Variants in SOX6 observed in about 807,000 individuals in gnomAD.
SOX6 encodes the protein SRY-box transcription factor 6.
Under a neutral mutation model 97.8 loss-of-function variants are expected in SOX6, and 11 were observed. The observed-to-expected ratio is 0.11, with a 90% CI of 0.07 to 0.19. The LOEUF (loss-of-function observed/expected upper bound fraction) is 0.19, where lower values mean the gene tolerates loss of function less well. Among genes scored for constraint, SOX6 ranks in the 10% least tolerant of loss-of-function variants. The pLI, the probability that SOX6 is intolerant of heterozygous loss-of-function variation, is 1.00. For synonymous variants in SOX6, 360 were observed against 371.4 expected, an observed-to-expected ratio of 0.97 and a Z score of 0.35; for missense variants, 810 against 1,039.5, an observed-to-expected ratio of 0.78 and a Z score of 3.04.
intron 4 of SOX6, among the ~76,000 whole-genome samples, chr11:16,494,551 T>G (rs1860563690): frequency 6.6e-6 from 1 of 151,768 alleles, no homozygotes; most frequent in African/African-American, 2.4e-5. Flanking sequence ...TCAAGATTGC[T>G]GACTAGAGGC....
At chr11:16,555,912 T>C (rs1847743750) in intron 4 of SOX6, among the ~76,000 whole-genome samples, 1 of 151,700 alleles carries the variant, frequency 6.6e-6, no homozygotes, top group Non-Finnish European at 1.5e-5. Context: ...ATATTTCTCC[T>C]CAAGATTCTG....
At chr11:16,356,746 A>G (rs1857086412), upstream of SOX6, among the ~76,000 whole-genome samples, 1 of 152,142 alleles carries the variant, frequency 6.6e-6, no homozygotes, top group Non-Finnish European at 1.5e-5. Context: ...CATTCAGGCC[A>G]GGTCCATTCT....
intron 3 of SOX6, among the ~76,000 whole-genome samples, chr11:16,260,154 C>T (rs553683563): frequency 1.3e-3 from 193 of 152,114 alleles, no homozygotes; most frequent in African/African-American, 4.3e-3. Flanking sequence ...CACCTGCCAC[C>T]ACACTTGGCT....
In SOX6 at chr11:16,608,457, T is replaced by G. The variant is rs1848360784; in HGVS notation, n.609+3624A>C. On this transcript the variant is annotated intron_variant and non_coding_transcript_variant, in intron 4 of 5. Transcript: ENST00000524520. The stretch of plus-strand genomic sequence containing the variant: ...ATATTAGGATGAACAATAAGAAGGA[T>G]GAAGGAAAACGAAAAAAAGAAGTAG... Among the ~76,000 whole-genome samples the G allele has an allele frequency of 6.7e-5, 10 of 149,334 alleles. No individual in the cohort carries two copies. The South Asian group carries it at 2.1e-3, about 32-fold the overall frequency.
At chr11:16,445,231 T>C (rs1008987232) in intron 1 of SOX6, among the ~76,000 whole-genome samples, 1 of 152,154 alleles carries the variant, frequency 6.6e-6, no homozygotes, top group African/African-American at 2.4e-5. Flanking sequence ...AATAGACCCA[T>C]TACTATAGAC....
At chr11:16,398,066 C>A (rs140728845) in intron 1 of SOX6, among the ~76,000 whole-genome samples, 31 of 151,616 alleles carry the variant, frequency 2.0e-4, no homozygotes, top group Non-Finnish European at 3.3e-4. Context: ...CAAATGCAAT[C>A]TATAAACACT....
intron 6 of SOX6, among the ~76,000 whole-genome samples, chr11:16,137,401 G>A (rs1007679424): frequency 1.3e-4 from 19 of 151,928 alleles, no homozygotes; most frequent in African/African-American, 4.6e-4. Flanking sequence ...ACTCTAGCCT[G>A]GGCAACAGAG....
At chr11:16,359,397 G>A (rs1257200004), upstream of SOX6, among the ~76,000 whole-genome samples, 1 of 151,904 alleles carries the variant, frequency 6.6e-6, no homozygotes, top group East Asian at 1.9e-4. Context: ...AAATAGTTTG[G>A]GTTTTATCCT....
chr11:16,693,854 A>G (rs1848033791), intron 3 of SOX6, among the ~76,000 whole-genome samples: 1 of 152,206 alleles, frequency 6.6e-6, no homozygotes, highest in Non-Finnish European at 1.5e-5. Context: ...TAATTCACTC[A>G]TAGATACCTG....
chr11:16,087,523 G>T (rs1848604017), intron 9 of SOX6, among the ~76,000 whole-genome samples: 1 of 152,044 alleles, frequency 6.6e-6, no homozygotes, highest in Admixed American at 6.6e-5. Context: ...GACAGCCTGA[G>T]TACATGATAT....
At chr11:16,260,595 A>G (rs1853858665) in intron 3 of SOX6, among the ~76,000 whole-genome samples, 1 of 152,062 alleles carries the variant, frequency 6.6e-6, no homozygotes, top group Non-Finnish European at 1.5e-5. Flanking sequence ...AAATATATGT[A>G]TTTTTGTCTT....
At chr11:16,708,822 T>G (rs1848155891) in intron 3 of SOX6, among the ~76,000 whole-genome samples, 2 of 152,194 alleles carry the variant, frequency 1.3e-5, no homozygotes, top group South Asian at 4.1e-4. Flanking sequence ...GTAACATATT[T>G]TTCTCCCCAG....
intron 9 of SOX6, among the ~76,000 whole-genome samples, chr11:16,067,226 A>G (rs1848112952): frequency 6.6e-6 from 1 of 152,178 alleles, no homozygotes; most frequent in African/African-American, 2.4e-5. Context: ...ATGTGAAGAC[A>G]TGAGATTTGG....
chr11:15,977,302 C>T (rs1239605939), intron 15 of SOX6, among the ~76,000 whole-genome samples: 1 of 152,084 alleles, frequency 6.6e-6, no homozygotes. Context: ...ATCTTAGTTG[C>T]TCGCTCTCTT....
intron 3 of SOX6, among the ~76,000 whole-genome samples, chr11:16,307,062 G>T (rs1334727740): frequency 1.3e-5 from 2 of 152,168 alleles, no homozygotes; most frequent in Admixed American, 6.5e-5. Flanking sequence ...AAGTGCAAAG[G>T]TCCTAAGACA....
chr11:16,380,651 TATTC>T (rs1857784046), intron 1 of SOX6, among the ~76,000 whole-genome samples: 38 of 152,104 alleles, frequency 2.5e-4, no homozygotes, highest in Admixed American at 2.5e-3. Context: ...CTTATTGGTG[TATTC>T]TATCCAACCA....
At chr11:16,070,112 G>A (rs1013806676) in intron 9 of SOX6, among the ~76,000 whole-genome samples, 3 of 152,046 alleles carry the variant, frequency 2.0e-5, no homozygotes, top group Admixed American at 6.6e-5. Context: ...CCGAGATTGC[G>A]CCACTGCACT....
At chr11:16,253,610 T>A (rs1186161603) in intron 3 of SOX6, among the ~76,000 whole-genome samples, 1 of 151,880 alleles carries the variant, frequency 6.6e-6, no homozygotes, top group Non-Finnish European at 1.5e-5. Context: ...GGCTCACTAG[T>A]AGACTGGATA....
At chr11:16,550,438 C>T (rs1167114351) in intron 4 of SOX6, among the ~76,000 whole-genome samples, 2 of 151,816 alleles carry the variant, frequency 1.3e-5, no homozygotes, top group South Asian at 2.1e-4. Context: ...ACGTTGTGCA[C>T]ATGTACCCTA....
Sources: allele counts gnomAD v4.1 joint callset (sites outside exome capture counted in the v4.1 genomes callset), GRCh38; gene constraint gnomAD v4.1.1; transcripts MANE v1.5; gene names NCBI Gene and HGNC (gene_info 2026-07-23, HGNC 2026-07-21).